Variants in SEL1L3 observed in about 807,000 individuals in gnomAD.
The protein encoded by SEL1L3 is SEL1L family member 3.
A neutral mutation model predicts 142.8 loss-of-function variants in SEL1L3; 76 were observed. The ratio of observed to expected loss-of-function variants is 0.53; its 90% CI spans 0.44 to 0.64. The LOEUF (loss-of-function observed/expected upper bound fraction) is 0.64. SEL1L3 is among the 30% of genes least tolerant of loss of function. The pLI, the probability that SEL1L3 is intolerant of heterozygous loss-of-function variation, is 0.00. For missense variants in SEL1L3, 1,262 were observed against 1,381.7 expected (o/e 0.91, Z 1.37); for synonymous variants, 504 against 519.6 (o/e 0.97, Z 0.41).
intron 17 of SEL1L3, among the ~76,000 whole-genome samples, chr4:25,770,739 C>CAAAA (rs57317400): frequency 2.3e-4 from 22 of 97,334 alleles, no homozygotes; most frequent in East Asian, 3.4e-4. Flanking sequence ...GACTCTGTCT[C>CAAAA]AAAAAAAAAA....
Position 25,782,426 on chromosome 4 carries a change from T to C in SEL1L3, c.2281-8A>G. The C allele has an allele frequency of 1.2e-6, 2 of 1,608,720 alleles. No individual in the cohort carries two copies. The highest frequency in any genetic ancestry group is 2.7e-5 in the African/African-American group (2 of 74,578). On this transcript the variant is annotated splice_polypyrimidine_tract_variant and splice_region_variant and intron_variant, in intron 14 of 23. Coordinates refer to ENST00000399878, the MANE Select transcript of SEL1L3 (RefSeq NM_015187.5). ...GACTGCCTGATGCAATCCCTGAATTTTGGAACAAGAAAGAAATTAACTTTA... is the reference window on the plus strand; with the variant it reads ...GACTGCCTGATGCAATCCCTGAATTCTGGAACAAGAAAGAAATTAACTTTA...
At position 25,776,315 on chromosome 4, in the gene SEL1L3, G is replaced by A; in HGVS notation, c.2631C>T (p.Val877=). The A allele has an allele frequency of 4.3e-6, 7 of 1,612,972 alleles. No individual in the cohort carries two copies. Among genetic ancestry groups the A allele is most frequent in the Non-Finnish European group, 5.9e-6 (7 of 1,179,338 alleles). Residue 877 remains valine, a synonymous_variant, in exon 17 of 24, where the codon GTC becomes GTT. Coordinates refer to ENST00000399878, the MANE Select transcript of SEL1L3 (RefSeq NM_015187.5). ...VAEKNGYLGH[V]IRKGLNAYLE... is the part of the protein sequence containing the mutation. ...GGTAGGCATTGAGGCCTTTGCGGAT[G>A]ACATGGCCCAAGTAGCCATTTTTCT...
At chr4:25,849,109 A>G (rs941109638) in intron 1 of SEL1L3, among the ~76,000 whole-genome samples, 2 of 152,148 alleles carry the variant, frequency 1.3e-5, no homozygotes, top group African/African-American at 4.8e-5. Context: ...ACTGCACTCC[A>G]CCCTGGGCAA....
intron 2 of SEL1L3, among the ~76,000 whole-genome samples, chr4:25,838,238 T>C (rs1357284862): frequency 6.6e-6 from 1 of 152,196 alleles, no homozygotes; most frequent in Admixed American, 6.5e-5. Context: ...TTATTTTGCA[T>C]GAAGAGCTTA....
rs190150507 is a variant in SEL1L3 at position 25,762,783 on chromosome 4, T to C, written c.2955+2543A>G. ...TCACGAGGTCAAGAGATGAAGACCA[T>C]CCTGCCCAACATGGTGAAACCCCGT... On this transcript the variant is annotated intron_variant, in intron 20 of 23. Transcript: ENST00000399878. Among the ~76,000 whole-genome samples, 1,363 of 152,092 alleles carry C rather than the reference T, an allele frequency of 9.0e-3. 10 individuals are homozygous for C. The highest frequency in any genetic ancestry group is 0.011 in the Non-Finnish European group (764 of 67,994).
At chr4:25,795,996 G>C (rs550866357) in intron 11 of SEL1L3, among the ~76,000 whole-genome samples, 15 of 151,960 alleles carry the variant, frequency 9.9e-5, no homozygotes, top group Admixed American at 5.2e-4. Flanking sequence ...GGAACCAAGC[G>C]TCCCAGCCTG....
At chr4:25,812,209 A>T (rs1026604866) in intron 9 of SEL1L3, among the ~76,000 whole-genome samples, 1 of 152,170 alleles carries the variant, frequency 6.6e-6, no homozygotes, top group African/African-American at 2.4e-5. Flanking sequence ...ACCAAAGAAC[A>T]TACCTCATCC....
At chr4:25,757,462 A>G in intron 23 of SEL1L3, 72 bp downstream of exon 23, 3 of 772,754 alleles carry the variant, frequency 3.9e-6, no homozygotes, top group South Asian at 2.3e-5. Flanking sequence ...TAGACCAAAA[A>G]AAAAAAAAAA....
intron 9 of SEL1L3, among the ~76,000 whole-genome samples, chr4:25,812,304 C>A (rs189886160): frequency 3.0e-4 from 46 of 152,330 alleles, no homozygotes; most frequent in Admixed American, 1.9e-3. Context: ...TCTCCTGTCT[C>A]CCCAGGCAGA....
the SEL1L3 span, among the ~76,000 whole-genome samples, chr4:25,715,397 A>G: frequency 3.0e-4 from 46 of 152,074 alleles, no homozygotes; most frequent in Non-Finnish European, 1.9e-4. Context: ...TTTTTCACCT[A>G]TCGGGTTGGT....
the SEL1L3 span, among the ~76,000 whole-genome samples, chr4:25,729,921 T>C: frequency 1.3e-5 from 2 of 150,964 alleles, no homozygotes; most frequent in Non-Finnish European, 2.9e-5. Context: ...TTCTTCTTCT[T>C]CTTCTCCTTC....
At chr4:25,730,694 C>T in the SEL1L3 span, among the ~76,000 whole-genome samples, 3 of 152,134 alleles carry the variant, frequency 2.0e-5, no homozygotes, top group African/African-American at 7.2e-5. Context: ...CCCATTTCCT[C>T]TCTCTCACAG....
At chr4:25,848,201 T>C (rs1351365126) in intron 1 of SEL1L3, among the ~76,000 whole-genome samples, 1 of 152,258 alleles carries the variant, frequency 6.6e-6, no homozygotes, top group East Asian at 1.9e-4. Flanking sequence ...CAAGGGAACC[T>C]GCCTTAGAAT....
intron 3 of SEL1L3, 43 bp from the exon 4 acceptor site, chr4:25,833,612 T>A: frequency 6.5e-7 from 1 of 1,543,440 alleles, no homozygotes. Context: ...ATTGATATCA[T>A]CCAAGAACAG....
chr4:25,832,075 G>C (rs141189202), intron 5 of SEL1L3, among the ~76,000 whole-genome samples: 1 of 152,130 alleles, frequency 6.6e-6, no homozygotes, highest in Non-Finnish European at 1.5e-5. Flanking sequence ...GTGGACCACC[G>C]CTATGTCACT....
chr4:25,736,217 GTGTC>G, the SEL1L3 span, among the ~76,000 whole-genome samples: 30 of 141,676 alleles, frequency 2.1e-4, 2 homozygotes, highest in African/African-American at 6.1e-4. Flanking sequence ...ATAAGATTGT[GTGTC>G]TGTGTGTGTG....
intron 17 of SEL1L3, among the ~76,000 whole-genome samples, chr4:25,772,753 G>A (rs1233315913): frequency 1.3e-5 from 2 of 152,106 alleles, no homozygotes; most frequent in Non-Finnish European, 2.9e-5. Context: ...GAATATGAAT[G>A]AGCTACAGGT....
At chr4:25,746,089 G>A (rs1717253342), downstream of SEL1L3, among the ~76,000 whole-genome samples, 1 of 152,188 alleles carries the variant, frequency 6.6e-6, no homozygotes, top group Non-Finnish European at 1.5e-5. Context: ...GGCAGGAGGT[G>A]ATTGGATAAT....
At chr4:25,790,657 AG>A in intron 11 of SEL1L3, 83 bp from the exon 12 acceptor site, 1 of 42,752 alleles carries the variant, frequency 2.3e-5, no homozygotes, top group Admixed American at 2.5e-4. Context: ...GAAGGAAGGA[AG>A]GAAGGAAGGG....
Sources: allele counts gnomAD v4.1 joint callset (sites outside exome capture counted in the v4.1 genomes callset), GRCh38; gene constraint gnomAD v4.1.1; transcripts MANE v1.5; gene names NCBI Gene and HGNC (gene_info 2026-07-23, HGNC 2026-07-21).